Variants in DLGAP2 observed in about 807,000 individuals in gnomAD.
DLGAP2 encodes the protein DLG associated protein 2, also known as disks large-associated protein 2.
Under a neutral mutation model 100.3 loss-of-function variants are expected in DLGAP2, and 26 were observed. The observed-to-expected ratio is 0.26, with a 90% CI of 0.19 to 0.36. The LOEUF (loss-of-function observed/expected upper bound fraction) is 0.36. DLGAP2 is among the 10% of genes least tolerant of loss of function. The pLI is 1.00. For missense variants in DLGAP2, 1,858 were observed against 1,453.2 expected, an observed-to-expected ratio of 1.28 and a Z score of -4.53; for synonymous variants, 886 against 630.1, an observed-to-expected ratio of 1.41 and a Z score of -6.08.
intron 1 of DLGAP2, among the ~76,000 whole-genome samples, chr8:866,536 G>A (rs1726253716): frequency 6.6e-6 from 1 of 152,092 alleles, no homozygotes; most frequent in Admixed American, 6.5e-5. Context: ...GGCCTGGCCT[G>A]TCAGTTGATT....
intron 1 of DLGAP2, among the ~76,000 whole-genome samples, chr8:775,361 C>T (rs1821488070): frequency 6.6e-6 from 1 of 150,668 alleles, no homozygotes; most frequent in Non-Finnish European, 1.5e-5. Flanking sequence ...TGCCTAATTG[C>T]CCTGGCCAGA....
At chr8:1,210,049 C>G (rs1266503472) in intron 2 of DLGAP2, among the ~76,000 whole-genome samples, 3 of 149,030 alleles carry the variant, frequency 2.0e-5, no homozygotes, top group Non-Finnish European at 4.4e-5. Context: ...GCCCCAGTGT[C>G]TTACAACCCC....
rs1262783431 is a variant in DLGAP2, at chr8:1,477,467, C to T, written c.107-23899C>T. ...TGGGCCGATTCAAGTTCACTGTCTC[C>T]ATTTGGCCTTAACTTTGAGGAACCT... On this transcript the variant is annotated intron_variant, in intron 3 of 14. Transcript: ENST00000637795. 3.3e-5 allele frequency among the ~76,000 whole-genome samples: 5 copies of T among 152,292 alleles called. No individual in the cohort carries two copies. In the East Asian group the frequency reaches 7.7e-4, roughly 24 times the overall value.
At chr8:1,025,688 T>G (rs1801777960) in intron 2 of DLGAP2, among the ~76,000 whole-genome samples, 1 of 152,092 alleles carries the variant, frequency 6.6e-6, no homozygotes, top group South Asian at 2.1e-4. Context: ...TCTGATAAAG[T>G]GCTACTTTAT....
chr8:1,004,044 C>G (rs1414243195), intron 2 of DLGAP2, among the ~76,000 whole-genome samples: 1 of 152,050 alleles, frequency 6.6e-6, no homozygotes, highest in African/African-American at 2.4e-5. Context: ...AAAATAATTG[C>G]CCGATACATG....
rs141433536 is a variant in DLGAP2 at position 1,509,244 on chromosome 8, T to C, written c.172+7813T>C. ...TACTCGAGAGGCTGAGGCGGAAGAATTGCTTGAACCCCGGAGGCAGAGATT... is the reference window on the plus strand; with the variant it reads ...TACTCGAGAGGCTGAGGCGGAAGAACTGCTTGAACCCCGGAGGCAGAGATT... On this transcript the variant is annotated intron_variant, in intron 4 of 14. Transcript: ENST00000637795. 5.2e-3 allele frequency among the ~76,000 whole-genome samples: 781 copies of C among 151,440 alleles called. 6 individuals carry two copies. The highest frequency in any genetic ancestry group is 0.015 in the African/African-American group (609 of 41,162).
At chr8:1,444,040 T>C (rs1173734481) in intron 3 of DLGAP2, among the ~76,000 whole-genome samples, 1 of 152,174 alleles carries the variant, frequency 6.6e-6, no homozygotes, top group Non-Finnish European at 1.5e-5. Flanking sequence ...GTACTCATGC[T>C]GAATATGTGG....
intron 1 of DLGAP2, among the ~76,000 whole-genome samples, chr8:834,887 A>T (rs1422938806): frequency 6.6e-6 from 1 of 152,276 alleles, no homozygotes; most frequent in African/African-American, 2.4e-5. Flanking sequence ...AAATAAAAAC[A>T]AAAACAAACT....
intron 6 of DLGAP2, among the ~76,000 whole-genome samples, chr8:1,571,366 A>G (rs1218102366): frequency 1.1e-4 from 9 of 80,200 alleles, no homozygotes; most frequent in Non-Finnish European, 1.7e-4. Flanking sequence ...GATGAGATGG[A>G]GAGGAGAGAG....
intron 2 of DLGAP2, among the ~76,000 whole-genome samples, chr8:1,086,184 A>T (rs1432663414): frequency 6.6e-6 from 1 of 152,120 alleles, no homozygotes; most frequent in Admixed American, 6.5e-5. Context: ...AGGGTTTTCT[A>T]TATATAATAT....
intron 3 of DLGAP2, among the ~76,000 whole-genome samples, chr8:1,293,141 C>G (rs1800097839): frequency 6.6e-6 from 1 of 152,146 alleles, no homozygotes; most frequent in African/African-American, 2.4e-5. Context: ...GTCTGAAAAT[C>G]CCTCCCTGTC....
intron 1 of DLGAP2, among the ~76,000 whole-genome samples, chr8:777,406 T>G (rs1241933703): frequency 1.3e-5 from 2 of 151,882 alleles, no homozygotes; most frequent in East Asian, 1.9e-4. Flanking sequence ...ATGTTAGCTG[T>G]TTATTTTGCT....
chr8:1,535,891 A>G (rs1008336490), intron 4 of DLGAP2, among the ~76,000 whole-genome samples: 10 of 152,166 alleles, frequency 6.6e-5, no homozygotes, highest in African/African-American at 1.7e-4. Context: ...GGTGCTGTGG[A>G]TGGATGGTGT....
At chr8:1,595,615 C>T (rs1461103053) in intron 6 of DLGAP2, among the ~76,000 whole-genome samples, 2 of 140,678 alleles carry the variant, frequency 1.4e-5, no homozygotes, top group East Asian at 2.0e-4. Flanking sequence ...TGCAGTGAGC[C>T]GAGATTGCGC....
intron 2 of DLGAP2, among the ~76,000 whole-genome samples, chr8:1,187,517 C>T (rs1240012977): frequency 2.1e-5 from 3 of 139,920 alleles, no homozygotes; most frequent in South Asian, 2.3e-4. Context: ...GTGACGTTTG[C>T]TTCACGGAAT....
chr8:1,574,208 T>C (rs910119180), intron 6 of DLGAP2, among the ~76,000 whole-genome samples: 2 of 152,078 alleles, frequency 1.3e-5, no homozygotes, highest in Non-Finnish European at 2.9e-5. Flanking sequence ...ATCACTCAGG[T>C]GCAATCAGAA....
intron 2 of DLGAP2, among the ~76,000 whole-genome samples, chr8:967,826 A>T (rs1316309570): frequency 0.044 from 197 of 4,482 alleles, 24 homozygotes; most frequent in Non-Finnish European, 0.081. Flanking sequence ...CTATATATAT[A>T]TATATATATA....
chr8:1,099,446 C>G (rs1455690296), intron 2 of DLGAP2, among the ~76,000 whole-genome samples: 2 of 152,228 alleles, frequency 1.3e-5, no homozygotes, highest in Non-Finnish European at 2.9e-5. Context: ...CAGGGCCGTA[C>G]TGGGGCTACG....
chr8:1,207,325 C>A (rs182681368), intron 2 of DLGAP2, among the ~76,000 whole-genome samples: 18 of 152,312 alleles, frequency 1.2e-4, no homozygotes, highest in Admixed American at 8.5e-4. Context: ...TGAGCACATA[C>A]AATGTTTGGT....
Sources: allele counts gnomAD v4.1 joint callset (sites outside exome capture counted in the v4.1 genomes callset), GRCh38; gene constraint gnomAD v4.1.1; transcripts MANE v1.5; gene names NCBI Gene and HGNC (gene_info 2026-07-23, HGNC 2026-07-21).